PPP1R9B: variants seen among roughly 807,000 people sequenced by gnomAD.
PPP1R9B encodes the protein protein phosphatase 1 regulatory subunit 9B, also known as neurabin-2.
PPP1R9B carries 17 observed loss-of-function variants against 75.8 expected under a neutral mutation model. The ratio of observed to expected loss-of-function variants is 0.22; its 90% CI spans 0.15 to 0.34. The LOEUF (loss-of-function observed/expected upper bound fraction) is 0.34. PPP1R9B is among the 10% of genes least tolerant of loss of function. The pLI is 1.00. For missense variants in PPP1R9B, 875 were observed against 1,196.0 expected (o/e 0.73, Z 3.96); for synonymous variants, 509 against 535.4 (o/e 0.95, Z 0.68).
chr17:50,143,368 G>A (rs2144449667), intron 3 of PPP1R9B, among the ~76,000 whole-genome samples: 1 of 152,334 alleles, frequency 6.6e-6, no homozygotes, highest in East Asian at 1.9e-4. Context: ...GCCCCTCCTG[G>A]AGAACACACG....
chr17:50,137,719 G>A (rs1038689698), intron 7 of PPP1R9B, among the ~76,000 whole-genome samples: 11 of 152,128 alleles, frequency 7.2e-5, no homozygotes, highest in African/African-American at 2.7e-4. Flanking sequence ...CTATCTGTAG[G>A]ACCAAGGCCA....
rs1395437101 is a variant in PPP1R9B at position 50,135,363 on chromosome 17, A to G, written c.2422T>C (p.Leu808=). 6.2e-7 allele frequency: 1 copy of G among 1,613,700 alleles called. No individual in the cohort carries two copies. Among genetic ancestry groups the G allele is most frequent in the Middle Eastern group, 1.7e-4 (1 of 5,994 alleles). ...GAATTGGAATTCCTCAGTGTTTGCA[A>G]GTTTCCTTCCAGTTCTGAGATCTGG... The part of the protein sequence containing the change: ...LDKISELEGN[L]QTLRNSNST Residue 808 remains leucine, a synonymous_variant, in exon 10 of 10, where the codon TTG becomes CTG. Transcript: ENST00000612501.
chr17:50,143,728 A>C lies in PPP1R9B; in HGVS notation c.1505-10T>G. 1 of 1,613,726 alleles carries C rather than the reference A, an allele frequency of 6.2e-7. No individual in the cohort carries two copies. The highest frequency in any genetic ancestry group is 8.5e-7 in the Non-Finnish European group (1 of 1,179,856). On this transcript the variant is annotated splice_polypyrimidine_tract_variant and intron_variant, in intron 2 of 9. Coordinates refer to ENST00000612501, the MANE Select transcript of PPP1R9B (RefSeq NM_032595.5). ...CCCAGGCCCTCGGAGTCTGTGGAAC[A>C]GAGAGTGGTGAGATGGCAGGGCTTG...
chr17:50,144,895 G>A (rs558184271), intron 2 of PPP1R9B, among the ~76,000 whole-genome samples: 44 of 152,316 alleles, frequency 2.9e-4, no homozygotes, highest in Non-Finnish European at 5.6e-4. Context: ...TTCCATGACC[G>A]GGGTGGTGGG....
chr17:50,149,375 T>C lies in PPP1R9B; in HGVS notation c.1139A>G (p.Asp380Gly). 2 of 1,613,056 alleles carry C rather than the reference T, an allele frequency of 1.2e-6. No homozygotes were observed. Among genetic ancestry groups the C allele is most frequent in the South Asian group, 2.2e-5 (2 of 91,028 alleles). ...RAPDVAPEEV[D>G]ESKKEDFSEA... ...CGAGAAGTCCTCCTTCTTGGATTCA[T>C]CTACCTCCTCAGGGGCCACGTCCGG... is the stretch of plus-strand genomic sequence containing the variant. Residue 380 changes from aspartate (D) to glycine (G), a missense_variant, in exon 1 of 10, where the codon GAT becomes GGT. By Grantham distance (94) the Asp-to-Gly change is moderately conservative. Coordinates refer to ENST00000612501, the MANE Select transcript of PPP1R9B (RefSeq NM_032595.5). This position sits in a 1 kb window ranked among gnomAD's most constrained non-coding sequence, Gnocchi z 7.2.
intron 7 of PPP1R9B, among the ~76,000 whole-genome samples, chr17:50,137,805 C>T (rs1202926741): frequency 2.0e-5 from 3 of 152,220 alleles, no homozygotes; most frequent in East Asian, 1.9e-4. Flanking sequence ...CACCTCTCCC[C>T]GACAGGCATG....
Position 50,139,980 on chromosome 17 carries a change from T to A in PPP1R9B, c.1866+113A>T. 1 of 1,166,634 alleles carries A rather than the reference T, an allele frequency of 8.6e-7. No homozygotes were observed. Among genetic ancestry groups the A allele is most frequent in the South Asian group, 1.5e-5 (1 of 65,574 alleles). The allele number at this position is 1,166,634 out of a possible 1,614,324, so 72.3% of individuals were successfully genotyped here. A position where few individuals can be genotyped will look rare whatever the true frequency, so the allele number is the denominator to read the frequency against. ...AAGAGTGTGACTGGAGGACAGGGAA[T>A]GGCACTGTGGGCTTTTTACTAGGGC... On this transcript the variant is annotated intron_variant, in intron 5 of 9. Transcript: ENST00000612501. The surrounding 1 kb of genome is among the most constrained non-coding windows in gnomAD (Gnocchi z 5.0).
intron 7 of PPP1R9B, among the ~76,000 whole-genome samples, chr17:50,138,965 A>G (rs1355859380): frequency 6.6e-6 from 1 of 152,228 alleles, no homozygotes; most frequent in African/African-American, 2.4e-5. Context: ...ACATTGTGCT[A>G]AAGACTTGAC....
At chr17:50,145,869 C>A (rs1912505129) in intron 1 of PPP1R9B, among the ~76,000 whole-genome samples, 1 of 152,110 alleles carries the variant, frequency 6.6e-6, no homozygotes. Context: ...AAGACCATCT[C>A]TATCCCCGTG....
chr17:50,149,614 C>T lies in PPP1R9B; in HGVS notation c.900G>A (p.Pro300=), dbSNP rs1912626528. Residue 300 remains proline, a synonymous_variant, in exon 1 of 10, where the codon CCG becomes CCA. Coordinates refer to ENST00000612501, the MANE Select transcript of PPP1R9B (RefSeq NM_032595.5). This position sits in a 1 kb window ranked among gnomAD's most constrained non-coding sequence, Gnocchi z 7.2. ...ACTCCCCGCTCTCCTCCACCTCCAC[C>T]GGCTTAATCTTGCGCACCTCCCGGG... The part of the protein sequence containing the change: ...PKPREVRKIK[P]VEVEESGESE... 1 of 1,551,456 alleles carries T rather than the reference C, an allele frequency of 6.4e-7. No individual in the cohort carries two copies.
chr17:50,141,867 G>T (rs570326322), intron 3 of PPP1R9B, among the ~76,000 whole-genome samples: 1 of 152,120 alleles, frequency 6.6e-6, no homozygotes, highest in Admixed American at 6.5e-5. Context: ...ACCAGGAGAC[G>T]CGGCAGGCAC....
chr17:50,149,466 C>T lies in PPP1R9B; in HGVS notation c.1048G>A (p.Ala350Thr). ...SPAPEEPKAQ[A>T]APEKEAAAVA... The stretch of plus-strand genomic sequence containing the variant: ...GCCGCCGCCTCCTTCTCCGGGGCCG[C>T]TTGGGCCTTTGGCTCCTCGGGCGCG... Residue 350 changes from alanine to threonine, a missense_variant, in exon 1 of 10, where the codon GCG (alanine) becomes ACG (threonine). Around this residue, in one of 4 missense-constraint regions of PPP1R9B, gnomAD observed 449 missense variants for 475.0 expected, o/e 0.95. Transcript: ENST00000612501. The surrounding 1 kb of genome is among the most constrained non-coding windows in gnomAD (Gnocchi z 7.2). The T allele has an allele frequency of 6.2e-7, 1 of 1,605,550 alleles. No homozygotes were observed. Among genetic ancestry groups the T allele is most frequent in the South Asian group, 1.1e-5 (1 of 90,142 alleles).
chr17:50,139,223 A>T lies in PPP1R9B; in HGVS notation c.2073+40T>A. 1 of 1,612,860 alleles carries T rather than the reference A, an allele frequency of 6.2e-7. No individual in the cohort carries two copies. Among genetic ancestry groups the T allele is most frequent in the South Asian group, 1.1e-5 (1 of 91,072 alleles). On this transcript the variant is annotated intron_variant, in intron 7 of 9. Coordinates refer to ENST00000612501, the MANE Select transcript of PPP1R9B (RefSeq NM_032595.5). The surrounding 1 kb of genome is among the most constrained non-coding windows in gnomAD (Gnocchi z 5.0). ...AGGGGGACCCTGCTCCTCAACACAC[A>T]CATGCACGCACGCAAAAGCACACAC...
chr17:50,148,248 AC>A (rs145807276), intron 1 of PPP1R9B, among the ~76,000 whole-genome samples: 1 of 152,106 alleles, frequency 6.6e-6, no homozygotes. Context: ...TGGGGATGAG[AC>A]CCCCAAAAGG....
In PPP1R9B at chr17:50,139,387, C is replaced by T; in HGVS notation, c.2019+42G>A. The T allele has an allele frequency of 6.2e-7, 1 of 1,612,988 alleles. No homozygotes were observed. Among genetic ancestry groups the T allele is most frequent in the Non-Finnish European group, 8.5e-7 (1 of 1,179,326 alleles). On this transcript the variant is annotated intron_variant, in intron 6 of 9. Coordinates refer to ENST00000612501, the MANE Select transcript of PPP1R9B (RefSeq NM_032595.5). This position sits in a 1 kb window ranked among gnomAD's most constrained non-coding sequence, Gnocchi z 5.0. ...GGCAGTGCCAAGGGCAGGAGACCTG[C>T]CTGCCTTTCCCTCCACCACTCCAGG...
intron 7 of PPP1R9B, 31 bp from the exon 8 acceptor site, chr17:50,136,228 TG>T: frequency 6.3e-7 from 1 of 1,581,298 alleles, no homozygotes; most frequent in Non-Finnish European, 8.6e-7. Context: ...CCTGGGTTGG[TG>T]GGGGCCAGCA....
chr17:50,145,353 G>T, intron 1 of PPP1R9B, 108 bp from the exon 2 acceptor site: 1 of 1,410,258 alleles, frequency 7.1e-7, no homozygotes, highest in Non-Finnish European at 9.8e-7. Flanking sequence ...GCCTCCCCAT[G>T]ATAGCCCTGA....
chr17:50,135,126 C>A lies in PPP1R9B; in HGVS notation c.*205G>T, dbSNP rs1598243432. On this transcript the variant is annotated 3_prime_UTR_variant, in exon 10 of 10. Coordinates refer to ENST00000612501, the MANE Select transcript of PPP1R9B (RefSeq NM_032595.5). ...GGCAAGAAAGAGGCTGCCCTTCTAG[C>A]CACCTCTGTCTGCCCAGGCCATCTT... The A allele has an allele frequency of 1.7e-6, 1 of 598,116 alleles. No homozygotes were observed. Among genetic ancestry groups the A allele is most frequent in the Non-Finnish European group, 3.0e-6 (1 of 334,022 alleles). The allele number at this position is 598,116 out of a possible 1,614,324, so 37.1% of individuals were successfully genotyped here.
chr17:50,136,212 C>T lies in PPP1R9B; in HGVS notation c.2074-15G>A. 6.3e-7 allele frequency: 1 copy of T among 1,596,734 alleles called. No individual in the cohort carries two copies. Among genetic ancestry groups the T allele is most frequent in the South Asian group, 1.1e-5 (1 of 90,494 alleles). Reference sequence around the variant, plus strand: ...AGGCTCTGCAGCTGAGAGAGAAAGGCACGGCCCTGGGTTGGTGGGGGCCAG... The same window carrying T: ...AGGCTCTGCAGCTGAGAGAGAAAGGTACGGCCCTGGGTTGGTGGGGGCCAG... On this transcript the variant is annotated splice_polypyrimidine_tract_variant and intron_variant, in intron 7 of 9. Coordinates refer to ENST00000612501, the MANE Select transcript of PPP1R9B (RefSeq NM_032595.5).
Sources: gnomAD v4.1 joint callset for allele counts (sites outside exome capture counted in the v4.1 genomes callset) on GRCh38, gnomAD v4.1.1 for gene constraint, gnomAD v4.1.1 regional missense constraint, Gnocchi (gnomAD v3.1) non-coding constraint, MANE v1.5 for transcripts, NCBI Gene and HGNC (gene_info 2026-07-23, HGNC 2026-07-21) for gene names.